Variants in ANO6 observed in about 807,000 individuals in gnomAD.
The protein encoded by ANO6 is anoctamin 6, also known as anoctamin-6.
In ANO6, 106 loss-of-function variants were observed where a neutral mutation model predicts 117.5. The ratio of observed to expected loss-of-function variants is 0.90; its 90% CI spans 0.77 to 1.06. The LOEUF is 1.06. Among genes scored for constraint, ANO6 ranks in the 50% least tolerant of loss-of-function variants. The probability of loss-of-function intolerance (pLI) is 0.00; values close to 1 mark genes in which losing one functional copy is unlikely to be tolerated. For missense variants in ANO6, 955 were observed against 1,121.1 expected (o/e 0.85, Z 2.12); for synonymous variants, 367 against 385.1 (o/e 0.95, Z 0.55).
intron 1 of ANO6, among the ~76,000 whole-genome samples, chr12:45,221,061 G>GGA (rs1555156321): frequency 6.6e-6 from 1 of 151,690 alleles, no homozygotes; most frequent in African/African-American, 2.4e-5. Flanking sequence ...GTCGGAAGTG[G>GGA]GGGGGGGCAG....
chr12:45,360,827 C>T (rs776460185), intron 8 of ANO6, among the ~76,000 whole-genome samples: 1 of 152,116 alleles, frequency 6.6e-6, no homozygotes, highest in Non-Finnish European at 1.5e-5. Flanking sequence ...ATACCAGCAC[C>T]GTTTTTGAAA....
chr12:45,223,946 T>C (rs867812993), intron 1 of ANO6, among the ~76,000 whole-genome samples: 12 of 152,212 alleles, frequency 7.9e-5, no homozygotes, highest in African/African-American at 2.7e-4. Context: ...CTAGTGGTTT[T>C]ATGGCCCTAG....
downstream of ANO6, among the ~76,000 whole-genome samples, chr12:45,436,508 C>T (rs1943708674): frequency 6.6e-6 from 1 of 152,118 alleles, no homozygotes; most frequent in Admixed American, 6.6e-5. Flanking sequence ...TGCTTCTCAC[C>T]CTGGATTCAG....
intron 3 of ANO6, among the ~76,000 whole-genome samples, chr12:45,340,009 G>A (rs1353918814): frequency 6.6e-6 from 1 of 152,058 alleles, no homozygotes; most frequent in South Asian, 2.1e-4. Context: ...TGAAAAAGGT[G>A]GGTAATAGAA....
downstream of ANO6, among the ~76,000 whole-genome samples, chr12:45,434,424 C>T (rs1023745312): frequency 6.6e-6 from 1 of 152,198 alleles, no homozygotes; most frequent in Non-Finnish European, 1.5e-5. Flanking sequence ...GACCACACCG[C>T]TGGGCTTTTT....
intron 2 of ANO6, among the ~76,000 whole-genome samples, chr12:45,322,936 C>T (rs758149000): frequency 1.8e-4 from 27 of 152,090 alleles, no homozygotes; most frequent in African/African-American, 3.1e-4. Flanking sequence ...TATCATTGAA[C>T]GTATTTTCCT....
chr12:45,291,437 CA>C (rs200636101), intron 1 of ANO6, among the ~76,000 whole-genome samples: 58 of 119,638 alleles, frequency 4.8e-4, no homozygotes, highest in African/African-American at 1.0e-3. Flanking sequence ...AAAACATGAA[CA>C]AAAAAAAAAT....
At chr12:45,326,952 C>T (rs866517747) in intron 2 of ANO6, among the ~76,000 whole-genome samples, 5 of 152,064 alleles carry the variant, frequency 3.3e-5, no homozygotes, top group African/African-American at 1.2e-4. Flanking sequence ...TATTTGGTGC[C>T]CTCCCCCACT....
chr12:45,259,154 T>C (rs1937937690), intron 1 of ANO6, among the ~76,000 whole-genome samples: 1 of 152,196 alleles, frequency 6.6e-6, no homozygotes, highest in Admixed American at 6.5e-5. Flanking sequence ...AAAGGCAGGA[T>C]GTTGGAGGAC....
chr12:45,347,153 A>G (rs1941156658), intron 4 of ANO6, 66 bp downstream of exon 4: 1 of 1,478,710 alleles, frequency 6.8e-7, no homozygotes, highest in East Asian at 2.3e-5. Context: ...TGCCACTTGG[A>G]ATACTTGGGT....
In ANO6 at chr12:45,305,908, G is replaced by GA. The variant is rs147294434; in HGVS notation, c.150+3824dup. Among the ~76,000 whole-genome samples the GA allele has an allele frequency of 5.8e-3, 869 of 150,746 alleles. 18 individuals carry two copies. The highest frequency in any genetic ancestry group is 0.054 in the South Asian group (257 of 4,742). On this transcript the variant is annotated intron_variant, in intron 2 of 19. Transcript: ENST00000320560. ...GGTTGATTCCAAGCCCCAAGGAGTT[G>GA]AAAAAAAAATAACTGGAGGTGCAGG...
intron 12 of ANO6, among the ~76,000 whole-genome samples, chr12:45,390,719 A>T (rs1232588724): frequency 1.3e-5 from 2 of 150,058 alleles, no homozygotes; most frequent in African/African-American, 4.9e-5. Context: ...AGGTTCTTCT[A>T]GTTCTTTTCA....
chr12:45,278,710 A>G (rs768034147), intron 1 of ANO6, among the ~76,000 whole-genome samples: 5 of 152,056 alleles, frequency 3.3e-5, no homozygotes, highest in Non-Finnish European at 7.3e-5. Flanking sequence ...CTCTTCACCA[A>G]GTTGCTTTGC....
At chr12:45,261,913 G>A (rs1196689752) in intron 1 of ANO6, among the ~76,000 whole-genome samples, 1 of 152,134 alleles carries the variant, frequency 6.6e-6, no homozygotes, top group African/African-American at 2.4e-5. Context: ...CACTTAAATG[G>A]CATGTTTTAT....
intron 16 of ANO6, among the ~76,000 whole-genome samples, chr12:45,415,825 T>C (rs1943198928): frequency 6.6e-6 from 1 of 152,094 alleles, no homozygotes; most frequent in African/African-American, 2.4e-5. Context: ...TGAGGCCTAA[T>C]GGAACTCTAT....
chr12:45,233,359 G>A (rs1947602014), intron 1 of ANO6, among the ~76,000 whole-genome samples: 1 of 152,112 alleles, frequency 6.6e-6, no homozygotes, highest in Non-Finnish European at 1.5e-5. Flanking sequence ...TCAGTTCATA[G>A]GGCAAAAAAT....
At chr12:45,318,098 CT>C (rs2137356508) in intron 2 of ANO6, among the ~76,000 whole-genome samples, 1 of 152,262 alleles carries the variant, frequency 6.6e-6, no homozygotes, top group Non-Finnish European at 1.5e-5. Flanking sequence ...ATGGTAATTT[CT>C]TTTGCTGTGC....
At position 45,430,812 on chromosome 12, in the gene ANO6, C is replaced by T. The variant is rs947107613; in HGVS notation, c.*1501C>T. ...GGCCTCCTGGGCGCTCTGGAAAAGACAGGGAGCCAGGCCCTCTCACCCCTA... is the reference window on the plus strand; with the variant it reads ...GGCCTCCTGGGCGCTCTGGAAAAGATAGGGAGCCAGGCCCTCTCACCCCTA... On this transcript the variant is annotated 3_prime_UTR_variant, in exon 20 of 20. Coordinates refer to ENST00000320560, the MANE Select transcript of ANO6 (RefSeq NM_001025356.3). The T allele has an allele frequency of 4.0e-5, 39 of 985,304 alleles. No individual in the cohort carries two copies. The highest frequency in any genetic ancestry group is 4.7e-5 in the Non-Finnish European group (39 of 830,020). 61.0% of individuals were successfully genotyped at this position (985,304 alleles called of 1,614,324 possible). A position where few individuals can be genotyped will look rare whatever the true frequency, so the allele number is the denominator to read the frequency against.
At chr12:45,367,290 A>C (rs1320978403) in intron 8 of ANO6, among the ~76,000 whole-genome samples, 1 of 152,166 alleles carries the variant, frequency 6.6e-6, no homozygotes, top group African/African-American at 2.4e-5. Context: ...CCTTTACTCA[A>C]CTTATTAATT....
Sources: allele counts gnomAD v4.1 joint callset (sites outside exome capture counted in the v4.1 genomes callset), GRCh38; gene constraint gnomAD v4.1.1; transcripts MANE v1.5; gene names NCBI Gene and HGNC (gene_info 2026-07-23, HGNC 2026-07-21).